Variants in PALLD observed in about 807,000 individuals in gnomAD.
The protein encoded by PALLD is palladin, cytoskeletal associated protein, also known as palladin.
Under a neutral mutation model 123.5 loss-of-function variants are expected in PALLD, and 61 were observed. The ratio of observed to expected loss-of-function variants is 0.49; its 90% CI spans 0.40 to 0.61. The LOEUF is 0.61. Ranked by LOEUF, PALLD falls within the 20% of genes least tolerant of loss-of-function variation. The probability of loss-of-function intolerance (pLI) is 0.00; values close to 1 mark genes in which losing one functional copy is unlikely to be tolerated. For synonymous variants in PALLD, 465 were observed against 496.4 expected (o/e 0.94, Z 0.84); for missense variants, 1,273 against 1,377.0 (o/e 0.92, Z 1.20).
At chr4:168,812,988 G>A (rs2150750313) in intron 10 of PALLD, among the ~76,000 whole-genome samples, 1 of 152,272 alleles carries the variant, frequency 6.6e-6, no homozygotes, top group East Asian at 1.9e-4. Flanking sequence ...TGCTGGGCCT[G>A]GAGCTGAGGG....
intron 13 of PALLD, chr4:168,897,945 G>A (rs765329220): frequency 6.6e-6 from 1 of 151,222 alleles, no homozygotes; most frequent in Non-Finnish European, 1.5e-5. Context: ...ATTGTTAGAG[G>A]TGGGGGAAAA....
chr4:168,894,866 C>T (rs539985043), intron 12 of PALLD, 189 bp downstream of exon 12: 2 of 856,474 alleles, frequency 2.3e-6, no homozygotes, highest in Admixed American at 2.8e-5. Context: ...AAGTGACTGA[C>T]AGAATTCTTT....
At chr4:168,665,390 T>G (rs370964101) in intron 2 of PALLD, among the ~76,000 whole-genome samples, 1 of 152,206 alleles carries the variant, frequency 6.6e-6, no homozygotes, top group South Asian at 2.1e-4. Flanking sequence ...TAATTTTCAG[T>G]GTCTCTGCTG....
At chr4:168,631,672 C>G in intron 2 of PALLD, 5 of 985,468 alleles carry the variant, frequency 5.1e-6, no homozygotes, top group Non-Finnish European at 6.0e-6. Flanking sequence ...GGCCGCTGCG[C>G]CGCCAGGAGG....
intron 5 of PALLD, among the ~76,000 whole-genome samples, chr4:168,683,889 G>A (rs1176991009): frequency 1.3e-5 from 2 of 152,240 alleles, no homozygotes; most frequent in East Asian, 1.9e-4. Context: ...CCACTATAGA[G>A]GCCAATAGGT....
intron 11 of PALLD, among the ~76,000 whole-genome samples, chr4:168,892,828 T>G (rs1351908196): frequency 6.6e-6 from 1 of 152,116 alleles, no homozygotes; most frequent in Non-Finnish European, 1.5e-5. Context: ...ACCCACATTA[T>G]ATATATTGTA....
intron 14 of PALLD, 133 bp from the exon 15 acceptor site, chr4:168,903,620 TAGTC>T (rs1209531796): frequency 2.9e-5 from 20 of 699,730 alleles, no homozygotes; most frequent in South Asian, 8.2e-5. Context: ...ATCAATTCCT[TAGTC>T]AGGTATTTGG....
chr4:168,594,972 A>C (rs2149702613), intron 2 of PALLD, among the ~76,000 whole-genome samples: 1 of 152,256 alleles, frequency 6.6e-6, no homozygotes, highest in Admixed American at 6.5e-5. Context: ...TTACAGAGTA[A>C]TCTATTTCAT....
chr4:168,700,010 A>G, intron 8 of PALLD: 1 of 261,862 alleles, frequency 3.8e-6, no homozygotes, highest in East Asian at 1.2e-4. Flanking sequence ...ACCAAAATTT[A>G]TTTTACAGAT....
chr4:168,567,591 TTATATATAA>T (rs1341735457), intron 2 of PALLD, among the ~76,000 whole-genome samples: 1 of 143,804 alleles, frequency 7.0e-6, no homozygotes, highest in Non-Finnish European at 1.5e-5. Flanking sequence ...ATATTATACA[TTATATATAA>T]TATATATAAT....
At chr4:168,905,314 A>AT (rs569538938) in intron 15 of PALLD, among the ~76,000 whole-genome samples, 7 of 149,522 alleles carry the variant, frequency 4.7e-5, no homozygotes, top group African/African-American at 1.5e-4. Context: ...TGCCCGGCTA[A>AT]TTTTTTTTTA....
At chr4:168,578,477 TGAA>T (rs1272651532) in intron 2 of PALLD, among the ~76,000 whole-genome samples, 2 of 152,060 alleles carry the variant, frequency 1.3e-5, no homozygotes, top group Non-Finnish European at 2.9e-5. Context: ...TGCTGCCATG[TGAA>T]GAAGGACATG....
intron 3 of PALLD, among the ~76,000 whole-genome samples, chr4:168,669,407 A>G (rs752339717): frequency 6.6e-5 from 10 of 151,226 alleles, no homozygotes; most frequent in Non-Finnish European, 1.5e-4. Context: ...CTCAAAAAAC[A>G]AAACAAAACA....
intron 3 of PALLD, among the ~76,000 whole-genome samples, chr4:168,672,635 T>G (rs1780403585): frequency 6.6e-6 from 1 of 152,084 alleles, no homozygotes; most frequent in African/African-American, 2.4e-5. Context: ...ATTTTTTGTA[T>G]TTTTAGTAGA....
intron 2 of PALLD, among the ~76,000 whole-genome samples, chr4:168,574,954 T>C (rs542172078): frequency 6.6e-6 from 1 of 152,258 alleles, no homozygotes; most frequent in South Asian, 2.1e-4. Flanking sequence ...ACCAGCATAT[T>C]ATGTCCTGTC....
chr4:168,691,150 A>C (rs1462947252), intron 7 of PALLD, 119 bp from the exon 8 acceptor site: 2 of 737,984 alleles, frequency 2.7e-6, no homozygotes, highest in Middle Eastern at 3.7e-4. Flanking sequence ...TTTGACTGTA[A>C]CATTTCTTCA....
At chr4:168,836,083 T>A (rs893936744) in intron 10 of PALLD, among the ~76,000 whole-genome samples, 27 of 152,230 alleles carry the variant, frequency 1.8e-4, no homozygotes, top group Admixed American at 7.9e-4. Context: ...GCTTTAGGGT[T>A]GACCGTAATT....
intron 2 of PALLD, among the ~76,000 whole-genome samples, chr4:168,540,300 C>T (rs1046054914): frequency 1.3e-5 from 2 of 152,096 alleles, no homozygotes; most frequent in Non-Finnish European, 2.9e-5. Flanking sequence ...AAATTACAGG[C>T]AAGCTTAAAA....
intron 10 of PALLD, among the ~76,000 whole-genome samples, chr4:168,861,730 TGCAA>T (rs1399608279): frequency 1.3e-5 from 2 of 151,984 alleles, no homozygotes; most frequent in African/African-American, 4.8e-5. Flanking sequence ...GTGTTGTGGC[TGCAA>T]GATCATGACC....
Sources: gnomAD v4.1 joint callset for allele counts (sites outside exome capture counted in the v4.1 genomes callset) on GRCh38, gnomAD v4.1.1 for gene constraint, MANE v1.5 for transcripts, NCBI Gene and HGNC (gene_info 2026-07-23, HGNC 2026-07-21) for gene names.